Variants in FCHO1 observed in about 807,000 individuals in gnomAD.
FCHO1 encodes the protein FCH and mu domain containing endocytic adaptor 1, also known as F-BAR domain only protein 1.
Under a neutral mutation model 114.4 loss-of-function variants are expected in FCHO1, and 45 were observed. The ratio of observed to expected loss-of-function variants is 0.39; its 90% CI spans 0.31 to 0.50. FCHO1 has a LOEUF of 0.50. FCHO1 is among the 20% of genes least tolerant of loss of function. The pLI is 0.77. For missense variants in FCHO1, 1,042 were observed against 1,209.6 expected, an observed-to-expected ratio of 0.86 and a Z score of 2.06; for synonymous variants, 480 against 488.9, an observed-to-expected ratio of 0.98 and a Z score of 0.24.
At position 17,781,810 on chromosome 19, in the gene FCHO1, C is replaced by T; in HGVS notation, c.1927C>T (p.His643Tyr). The T allele has an allele frequency of 6.3e-7, 1 of 1,597,794 alleles. No individual in the cohort carries two copies. Among genetic ancestry groups the T allele is most frequent in the Non-Finnish European group, 8.5e-7 (1 of 1,172,286 alleles). The change falls in exon 23 of 29, where the codon CAC (histidine) becomes TAC (tyrosine). Residue 643 changes from histidine to tyrosine, a missense_variant. Transcript: ENST00000596536. Reference sequence around the variant, plus strand: ...GTATGTCCACGCCTACTTCCGTGGCCACAGCCCCAGGTACCCAGTGATGGG... The same window carrying T: ...GTATGTCCACGCCTACTTCCGTGGCTACAGCCCCAGGTACCCAGTGATGGG... ...TEYVHAYFRG[H>Y]SPSCLARVTG... is the part of the protein sequence containing the mutation.
Position 17,776,412 on chromosome 19 carries a change from G to T in FCHO1, c.1207+141G>T, listed in dbSNP as rs1456603704. The T allele has an allele frequency of 8.3e-7, 1 of 1,205,206 alleles. No individual in the cohort carries two copies. The highest frequency in any genetic ancestry group is 1.5e-5 in the African/African-American group (1 of 66,970). 74.7% of individuals were successfully genotyped at this position (1,205,206 alleles called of 1,614,324 possible). On this transcript the variant is annotated intron_variant, in intron 17 of 28. Transcript: ENST00000596536. This position sits in a 1 kb window ranked among gnomAD's most constrained non-coding sequence, Gnocchi z 4.4. ...CCTTCAGTCTCCTTTTCTGTAAAAT[G>T]AGGTCATTATGAAATTAAGTGAGAG...
In FCHO1 at chr19:17,774,250, T is replaced by G. The variant is rs755473812; in HGVS notation, c.802T>G (p.Phe268Val). The G allele has an allele frequency of 6.2e-7, 1 of 1,614,068 alleles. No homozygotes were observed. The highest frequency in any genetic ancestry group is 2.2e-5 in the East Asian group (1 of 44,866). The part of the protein sequence containing the change: ...TGREKPGPLD[F>V]EAYSAAALQE... ...GTCTCCTGTCTCAGGACCTCTGGACTTCGAGGCATACAGTGCGGCTGCCCT... is the reference window on the plus strand; with the variant it reads ...GTCTCCTGTCTCAGGACCTCTGGACGTCGAGGCATACAGTGCGGCTGCCCT... Residue 268 changes from phenylalanine (F) to valine (V), a missense_variant, in exon 12 of 29, where the codon TTC becomes GTC. Coordinates refer to ENST00000596536, the MANE Select transcript of FCHO1 (RefSeq NM_015122.3).
At chr19:17,768,083 T>G (rs569281881) in intron 7 of FCHO1, among the ~76,000 whole-genome samples, 2 of 152,284 alleles carry the variant, frequency 1.3e-5, no homozygotes, top group African/African-American at 4.8e-5. Flanking sequence ...GTTTTGTTTT[T>G]TTGAGATGGA....
Position 17,775,877 on chromosome 19 carries a change from G to T in FCHO1, c.1004-106G>T, listed in dbSNP as rs1599717219. 1 of 1,354,232 alleles carries T rather than the reference G, an allele frequency of 7.4e-7. No individual in the cohort carries two copies. Among genetic ancestry groups the T allele is most frequent in the East Asian group, 2.4e-5 (1 of 42,454 alleles). The allele number at this position is 1,354,232 out of a possible 1,614,324, so 83.9% of individuals were successfully genotyped here. On this transcript the variant is annotated intron_variant, in intron 15 of 28. Coordinates refer to ENST00000596536, the MANE Select transcript of FCHO1 (RefSeq NM_015122.3). The surrounding 1 kb of genome is among the most constrained non-coding windows in gnomAD (Gnocchi z 5.1). ...GTGGCGCGTGGTGAGCGATGGGATT[G>T]GGCAGGACCTCGAAGGGTTTGAGCA...
At position 17,765,882 on chromosome 19, in the gene FCHO1, C is replaced by CTTT. The variant is rs397859350; in HGVS notation, c.195-765_195-763dup. 6.4e-3 allele frequency among the ~76,000 whole-genome samples: 383 copies of CTTT among 60,160 alleles called. 14 individuals are homozygous for CTTT. The highest frequency in any genetic ancestry group is 9.7e-3 in the African/African-American group (129 of 13,340). The allele number at this position is 60,160 out of a possible 152,430, so 39.5% of individuals were successfully genotyped here. A position where few individuals can be genotyped will look rare whatever the true frequency, so the allele number is the denominator to read the frequency against. ...TGGGGCATGTGGTGTCTTAGTCACTCTTTTTTTTTTTTTTTTTTTTTTTTG... is the reference window on the plus strand; with the variant it reads ...TGGGGCATGTGGTGTCTTAGTCACTCTTTTTTTTTTTTTTTTTTTTTTTTTTTG... On this transcript the variant is annotated intron_variant, in intron 6 of 28. Coordinates refer to ENST00000596536, the MANE Select transcript of FCHO1 (RefSeq NM_015122.3).
chr19:17,775,123 G>T lies in FCHO1; in HGVS notation c.945+43G>T, dbSNP rs1383199109. The T allele has an allele frequency of 1.9e-6, 3 of 1,593,778 alleles. No homozygotes were observed. Among genetic ancestry groups the T allele is most frequent in the Non-Finnish European group, 2.6e-6 (3 of 1,166,814 alleles). On this transcript the variant is annotated intron_variant, in intron 14 of 28. Coordinates refer to ENST00000596536, the MANE Select transcript of FCHO1 (RefSeq NM_015122.3). The surrounding 1 kb of genome is among the most constrained non-coding windows in gnomAD (Gnocchi z 5.1). ...GGTCAGGCTGGGCTACAAGTGGAAGGAGTTTGATCCCACTCTTGGCTCCTA... is the reference window on the plus strand; with the variant it reads ...GGTCAGGCTGGGCTACAAGTGGAAGTAGTTTGATCCCACTCTTGGCTCCTA...
chr19:17,757,915 CAAAAA>C (rs71162192), intron 4 of FCHO1, among the ~76,000 whole-genome samples: 3 of 77,908 alleles, frequency 3.9e-5, no homozygotes, highest in Non-Finnish European at 2.3e-5. Context: ...GACCCTGTCT[CAAAAA>C]AAAAAAAAAA....
intron 9 of FCHO1, 49 bp downstream of exon 9, chr19:17,770,945 T>A: frequency 1.3e-6 from 2 of 1,507,058 alleles, no homozygotes; most frequent in Non-Finnish European, 1.8e-6. Flanking sequence ...GCCTTTGCCC[T>A]GGAGGTTATG....
intron 20 of FCHO1, among the ~76,000 whole-genome samples, chr19:17,780,438 A>G (rs2093288377): frequency 6.6e-6 from 1 of 152,078 alleles, no homozygotes; most frequent in Non-Finnish European, 1.5e-5. Flanking sequence ...TGTTGAGATT[A>G]CAGGCGTGAG....
chr19:17,749,066 G>T (rs779436658), upstream of FCHO1, among the ~76,000 whole-genome samples: 6 of 152,128 alleles, frequency 3.9e-5, no homozygotes, highest in African/African-American at 7.2e-5. Context: ...CTGGGATGGG[G>T]CATCGCCACC....
chr19:17,776,746 ATGTCTCCGCC>A lies in FCHO1; in HGVS notation c.1259+63_1259+72del. The A allele has an allele frequency of 2.0e-6, 3 of 1,485,184 alleles. No individual in the cohort carries two copies. Among genetic ancestry groups the A allele is most frequent in the Non-Finnish European group, 2.8e-6 (3 of 1,067,584 alleles). The allele number at this position is 1,485,184 out of a possible 1,614,324, so 92.0% of individuals were successfully genotyped here. ...CCCCACCTCCTCCCTCCACCTCCCC[ATGTCTCCGCC>A]TGGTGTTCTCTTGTCCCGGCTGGGA... On this transcript the variant is annotated intron_variant, in intron 18 of 28. Transcript: ENST00000596536. The surrounding 1 kb of genome is among the most constrained non-coding windows in gnomAD (Gnocchi z 4.4).
At chr19:17,755,091 G>C in intron 3 of FCHO1, 27 bp from the exon 4 acceptor site, 1 of 1,446,756 alleles carries the variant, frequency 6.9e-7, no homozygotes, top group Non-Finnish European at 9.7e-7. Flanking sequence ...CAATGACTCT[G>C]TAGCTCAAAC....
chr19:17,752,041 G>GCA (rs1434239813), intron 1 of FCHO1, among the ~76,000 whole-genome samples: 1 of 152,146 alleles, frequency 6.6e-6, no homozygotes, highest in Non-Finnish European at 1.5e-5. Flanking sequence ...CCAGAGGTGG[G>GCA]GTGAGGCAAT....
In FCHO1 at chr19:17,783,044, G is replaced by T. The variant is rs776520895; in HGVS notation, c.1965G>T (p.Leu655=). The change falls in exon 24 of 29, where the codon CTG becomes CTT. Residue 655 remains leucine (L), a synonymous_variant. Coordinates refer to ENST00000596536, the MANE Select transcript of FCHO1 (RefSeq NM_015122.3). ...GCCTGGCTCGAGTAACTGGGGAGCT[G>T]ACCATGACCTTCCCTGCTGGCATCG... ...PSCLARVTGE[L]TMTFPAGIVR... 1.9e-6 allele frequency: 3 copies of T among 1,614,116 alleles called. No individual in the cohort carries two copies. The highest frequency in any genetic ancestry group is 1.7e-5 in the Admixed American group (1 of 60,006).
intron 13 of FCHO1, 29 bp downstream of exon 13, chr19:17,774,507 C>G: frequency 6.3e-7 from 1 of 1,586,726 alleles, no homozygotes; most frequent in African/African-American, 1.3e-5. Flanking sequence ...CCGGTCTGGC[C>G]CAGGCTAGAC....
upstream of FCHO1, among the ~76,000 whole-genome samples, chr19:17,750,827 CTTT>C (rs56003373): frequency 3.7e-5 from 5 of 134,240 alleles, no homozygotes; most frequent in Admixed American, 1.5e-4. Context: ...CCTTTCTTTT[CTTT>C]TTTTTTTTTT....
In FCHO1 at chr19:17,776,739, C is replaced by T. The variant is rs535854487; in HGVS notation, c.1259+53C>T. 496 of 1,528,486 alleles carry T rather than the reference C, an allele frequency of 3.2e-4. 1 individual carries two copies. Among genetic ancestry groups the T allele is most frequent in the Non-Finnish European group, 4.2e-4 (459 of 1,105,416 alleles). The allele number at this position is 1,528,486 out of a possible 1,614,324, so 94.7% of individuals were successfully genotyped here. On this transcript the variant is annotated intron_variant, in intron 18 of 28. Coordinates refer to ENST00000596536, the MANE Select transcript of FCHO1 (RefSeq NM_015122.3). The surrounding 1 kb of genome is among the most constrained non-coding windows in gnomAD (Gnocchi z 4.4). Reference sequence around the variant, plus strand: ...GGGCTGTCCCCACCTCCTCCCTCCACCTCCCCATGTCTCCGCCTGGTGTTC... The same window carrying T: ...GGGCTGTCCCCACCTCCTCCCTCCATCTCCCCATGTCTCCGCCTGGTGTTC...
rs185367857 is a variant in FCHO1 at position 17,766,885 on chromosome 19, G to A, written c.336+75G>A. On this transcript the variant is annotated intron_variant, in intron 7 of 28. Transcript: ENST00000596536. The stretch of plus-strand genomic sequence containing the variant: ...CAGCTCACAGGACCCCAGATCTTCT[G>A]GGGCTTTATAACCTGCGGATGTCCG... 6.7e-6 allele frequency: 10 copies of A among 1,503,418 alleles called. No individual in the cohort carries two copies. In the East Asian group the frequency reaches 2.3e-4, roughly 35 times the overall value. 93.1% of individuals were successfully genotyped at this position (1,503,418 alleles called of 1,614,324 possible).
chr19:17,780,128 G>A (rs964513819), intron 20 of FCHO1, among the ~76,000 whole-genome samples: 2 of 151,772 alleles, frequency 1.3e-5, no homozygotes, highest in Non-Finnish European at 2.9e-5. Flanking sequence ...GAGCTGAGTG[G>A]GTGGAGACCA....
Sources: allele counts gnomAD v4.1 joint callset (sites outside exome capture counted in the v4.1 genomes callset), GRCh38; gene constraint gnomAD v4.1.1; non-coding constraint Gnocchi (gnomAD v3.1); transcripts MANE v1.5; gene names NCBI Gene and HGNC (gene_info 2026-07-23, HGNC 2026-07-21).